DSTYK: variants seen among roughly 807,000 people sequenced by gnomAD.
The protein encoded by DSTYK is RIP-homologous kinase.
DSTYK carries 34 observed loss-of-function variants against 98.7 expected under a neutral mutation model. The observed-to-expected ratio is 0.34, with a 90% confidence interval of 0.26 to 0.46. The LOEUF (loss-of-function observed/expected upper bound fraction) is 0.46, where lower values mean the gene tolerates loss of function less well. Ranked by LOEUF, DSTYK falls within the 20% of genes least tolerant of loss-of-function variation. The pLI, the probability that DSTYK is intolerant of heterozygous loss-of-function variation, is 1.00. For synonymous variants in DSTYK, 462 were observed against 457.3 expected, an observed-to-expected ratio of 1.01 and a Z score of -0.13; for missense variants, 962 against 1,181.7, an observed-to-expected ratio of 0.81 and a Z score of 2.73.
rs536895288 is a variant in DSTYK, at chr1:205,194,651, A to C, written c.266-6845T>G. Among the ~76,000 whole-genome samples the C allele has an allele frequency of 4.7e-5, 7 of 149,322 alleles. No homozygotes were observed. The South Asian group carries it at 1.3e-3, about 28-fold the overall frequency. ...TCCCACCTCAGCCTCCCAAAGTGCT[A>C]GGATTATAGGCATGAGCCGCCGTGC... On this transcript the variant is annotated intron_variant, in intron 1 of 12. Coordinates refer to ENST00000367162, the MANE Select transcript of DSTYK (RefSeq NM_015375.3).
intron 1 of DSTYK, among the ~76,000 whole-genome samples, chr1:205,197,409 T>A (rs1303616716): frequency 6.6e-6 from 1 of 152,194 alleles, no homozygotes; most frequent in Non-Finnish European, 1.5e-5. Flanking sequence ...AACAAATCCA[T>A]GAAAATGTTA....
intron 7 of DSTYK, among the ~76,000 whole-genome samples, 170 bp downstream of exon 7, chr1:205,161,088 G>A (rs975895580): frequency 6.6e-6 from 1 of 152,148 alleles, no homozygotes; most frequent in Non-Finnish European, 1.5e-5. Context: ...CATGTTATTT[G>A]AACTATATAA....
intron 10 of DSTYK, among the ~76,000 whole-genome samples, chr1:205,152,804 A>C (rs1657444260): frequency 6.6e-6 from 1 of 151,910 alleles, no homozygotes; most frequent in South Asian, 2.1e-4. Flanking sequence ...AGCATTTTGG[A>C]TTTGTAATTT....
chr1:205,151,451 CA>C (rs1238159933), intron 10 of DSTYK, among the ~76,000 whole-genome samples: 1 of 151,976 alleles, frequency 6.6e-6, no homozygotes, highest in Non-Finnish European at 1.5e-5. Flanking sequence ...TATAGCTGTA[CA>C]AAAATAGTGG....
chr1:205,210,904 C>A (rs1325109273), intron 1 of DSTYK, among the ~76,000 whole-genome samples: 1 of 152,250 alleles, frequency 6.6e-6, no homozygotes, highest in Non-Finnish European at 1.5e-5. Flanking sequence ...CAACGGCGCA[C>A]GCGCCCGCCC....
chr1:205,210,906 C>T, intron 1 of DSTYK, among the ~76,000 whole-genome samples: 1 of 152,244 alleles, frequency 6.6e-6, no homozygotes, highest in Non-Finnish European at 1.5e-5. Flanking sequence ...ACGGCGCACG[C>T]GCCCGCCCCC....
At chr1:205,160,334 G>A (rs1164016381) in intron 7 of DSTYK, 64 bp from the exon 8 acceptor site, 1 of 1,347,474 alleles carries the variant, frequency 7.4e-7, no homozygotes, top group Non-Finnish European at 1.0e-6. Context: ...ACCTCTGTAA[G>A]ATTCTTTTTT....
chr1:205,198,893 G>A (rs975375096), intron 1 of DSTYK, among the ~76,000 whole-genome samples: 1 of 149,774 alleles, frequency 6.7e-6, no homozygotes, highest in Non-Finnish European at 1.5e-5. Flanking sequence ...GTGTGGTGGC[G>A]CGATCTCGAC....
chr1:205,180,782 G>C (rs1658374759), intron 2 of DSTYK, among the ~76,000 whole-genome samples: 1 of 152,138 alleles, frequency 6.6e-6, no homozygotes, highest in Non-Finnish European at 1.5e-5. Context: ...TCTTTTAAGA[G>C]ATATCAAGGT....
At chr1:205,170,073 G>C (rs1353514047) in intron 2 of DSTYK, among the ~76,000 whole-genome samples, 7 of 152,120 alleles carry the variant, frequency 4.6e-5, no homozygotes, top group Non-Finnish European at 7.3e-5. Flanking sequence ...AACCCCTTTA[G>C]CCATCAGATT....
chr1:205,190,777 T>G (rs1258468301), intron 1 of DSTYK, among the ~76,000 whole-genome samples: 1 of 152,180 alleles, frequency 6.6e-6, no homozygotes, highest in Admixed American at 6.6e-5. Context: ...TCCCCAGATT[T>G]TCACATAAGT....
At position 205,211,467 on chromosome 1, in the gene DSTYK, CA is replaced by C. The variant is rs1278183813; in HGVS notation, c.68del (p.Met23ArgfsTer69). ...CGAAGCCCCGGCACAGCTCGCGGATCATTCCGCCGCCGCCGGGGCCGGGACC... is the reference window on the plus strand; with the variant it reads ...CGAAGCCCCGGCACAGCTCGCGGATCTTCCGCCGCCGCCGGGGCCGGGACC... ...VSGPGPGGGG[M>X]IRELCRGFGR... On this transcript the variant is annotated frameshift_variant, in exon 1 of 13. Coordinates refer to ENST00000367162, the MANE Select transcript of DSTYK (RefSeq NM_015375.3). LOFTEE classifies it high-confidence loss of function. The C allele has an allele frequency of 6.3e-7, 1 of 1,590,714 alleles. No homozygotes were observed. Among genetic ancestry groups the C allele is most frequent in the African/African-American group, 1.3e-5 (1 of 74,206 alleles).
At chr1:205,182,949 G>A (rs1483393270) in intron 2 of DSTYK, among the ~76,000 whole-genome samples, 1 of 152,030 alleles carries the variant, frequency 6.6e-6, no homozygotes, top group African/African-American at 2.4e-5. Context: ...TCAACTGAAG[G>A]TATGTAACTG....
At chr1:205,193,381 C>T (rs1658768900) in intron 1 of DSTYK, among the ~76,000 whole-genome samples, 1 of 152,134 alleles carries the variant, frequency 6.6e-6, no homozygotes, top group South Asian at 2.1e-4. Flanking sequence ...GCCTATTTTC[C>T]ATCCCATCAG....
At position 205,145,519 on chromosome 1, in the gene DSTYK, T is replaced by A. The variant is rs1256891850; in HGVS notation, c.*2039A>T. 3.5e-5 allele frequency: 2 copies of A among 57,464 alleles called. No homozygotes were observed. The highest frequency in any genetic ancestry group is 1.1e-4 in the Non-Finnish European group (2 of 18,248). The allele number at this position is 57,464 out of a possible 1,614,324, so 3.6% of individuals were successfully genotyped here. A position where few individuals can be genotyped will look rare whatever the true frequency, so the allele number is the denominator to read the frequency against. On this transcript the variant is annotated 3_prime_UTR_variant, in exon 13 of 13. Coordinates refer to ENST00000367162, the MANE Select transcript of DSTYK (RefSeq NM_015375.3). ...GCAGCAGATGTGCGACTCATCTTTG[T>A]TTTTTGTTTTTTTTTTTGTTTTTTT...
At chr1:205,161,533 G>T in intron 6 of DSTYK, 146 bp from the exon 7 acceptor site, 1 of 855,390 alleles carries the variant, frequency 1.2e-6, no homozygotes. Flanking sequence ...CACAGAGACT[G>T]GCACAGAGTA....
Position 205,211,601 on chromosome 1 carries a change from C to T in DSTYK, c.-66G>A, listed in dbSNP as rs1424673383. ...GCAGGCCCGGCCTCCCTCCTCCCCG[C>T]CCCCCAGTGCCGAAGGGAGGAGGAA... On this transcript the variant is annotated 5_prime_UTR_variant, in exon 1 of 13. Transcript: ENST00000367162. 2 of 1,405,090 alleles carry T rather than the reference C, an allele frequency of 1.4e-6. No individual in the cohort carries two copies. Among genetic ancestry groups the T allele is most frequent in the Non-Finnish European group, 1.8e-6 (2 of 1,087,546 alleles). 87.0% of individuals were successfully genotyped at this position (1,405,090 alleles called of 1,614,324 possible).
chr1:205,169,100 C>T lies in DSTYK; in HGVS notation c.1324+63G>A. ...CTTAGGAATTAACGTTCTTAATTTCCGGCTAGAAAATGGTTAGAGACTCCT... is the reference window on the plus strand; with the variant it reads ...CTTAGGAATTAACGTTCTTAATTTCTGGCTAGAAAATGGTTAGAGACTCCT... On this transcript the variant is annotated intron_variant, in intron 3 of 12. Transcript: ENST00000367162. The surrounding 1 kb of genome is among the most constrained non-coding windows in gnomAD (Gnocchi z 4.0). 5.9e-6 allele frequency: 8 copies of T among 1,366,570 alleles called. No homozygotes were observed. Among genetic ancestry groups the T allele is most frequent in the Middle Eastern group, 1.9e-4 (1 of 5,302 alleles). 84.7% of individuals were successfully genotyped at this position (1,366,570 alleles called of 1,614,324 possible).
At chr1:205,148,902 T>C (rs1210470010) in intron 11 of DSTYK, among the ~76,000 whole-genome samples, 5 of 149,654 alleles carry the variant, frequency 3.3e-5, no homozygotes, top group African/African-American at 1.3e-4. Flanking sequence ...AATTAGAAAG[T>C]GTTTTTTTTT....
Sources: gnomAD v4.1 joint callset for allele counts (sites outside exome capture counted in the v4.1 genomes callset) on GRCh38, gnomAD v4.1.1 for gene constraint, Gnocchi (gnomAD v3.1) non-coding constraint, MANE v1.5 for transcripts, NCBI Gene and HGNC (gene_info 2026-07-23, HGNC 2026-07-21) for gene names.